Variants in REDIC1 observed in about 807,000 individuals in gnomAD.
The protein encoded by REDIC1 is regulator of DNA class I crossover intermediates 1.
chr12:39,908,231 A>T, the REDIC1 span: 1 of 152,092 alleles, frequency 6.6e-6, no homozygotes, highest in Non-Finnish European at 1.5e-5. Flanking sequence ...CCTTGAAATG[A>T]GACTATTATC....
chr12:39,812,815 C>T, the REDIC1 span, among the ~76,000 whole-genome samples: 40 of 146,016 alleles, frequency 2.7e-4, no homozygotes, highest in Non-Finnish European at 4.7e-4. Context: ...GGGGGACAAA[C>T]ATTTAGTTTG....
chr12:39,856,238 C>T, the REDIC1 span, among the ~76,000 whole-genome samples: 1 of 151,990 alleles, frequency 6.6e-6, no homozygotes, highest in Non-Finnish European at 1.5e-5. Flanking sequence ...TCTATCCATG[C>T]ATCCATCCAT....
At chr12:39,831,712 A>T in the REDIC1 span, among the ~76,000 whole-genome samples, 1 of 152,020 alleles carries the variant, frequency 6.6e-6, no homozygotes, top group African/African-American at 2.4e-5. Flanking sequence ...TGATGAGTGA[A>T]TTCTCACTCA....
At chr12:39,773,760 A>C in the REDIC1 span, among the ~76,000 whole-genome samples, 2 of 152,184 alleles carry the variant, frequency 1.3e-5, no homozygotes, top group African/African-American at 4.8e-5. Context: ...GTGTATAAAA[A>C]CCAAAACTTC....
the REDIC1 span, among the ~76,000 whole-genome samples, chr12:39,801,936 A>C: frequency 6.6e-6 from 1 of 152,226 alleles, no homozygotes; most frequent in Non-Finnish European, 1.5e-5. Flanking sequence ...GCAGCAGCAA[A>C]CAACACAGCC....
chr12:39,639,194 T>C, the REDIC1 span, among the ~76,000 whole-genome samples: 5 of 151,874 alleles, frequency 3.3e-5, no homozygotes, highest in Non-Finnish European at 5.9e-5. Context: ...TAAAATGAAA[T>C]TTTTTTTCAT....
the REDIC1 span, chr12:39,692,019 G>A: frequency 6.5e-7 from 1 of 1,528,158 alleles, no homozygotes; most frequent in Non-Finnish European, 8.9e-7. Context: ...TGTATACTTA[G>A]GAATTGTTAA....
At chr12:39,863,659 C>T in the REDIC1 span, among the ~76,000 whole-genome samples, 1 of 152,004 alleles carries the variant, frequency 6.6e-6, no homozygotes, top group African/African-American at 2.4e-5. Flanking sequence ...ATGAAGACAC[C>T]CTTAAGTCTT....
chr12:39,858,329 A>T, the REDIC1 span, among the ~76,000 whole-genome samples: 2 of 152,232 alleles, frequency 1.3e-5, no homozygotes, highest in Non-Finnish European at 2.9e-5. Context: ...TGTAGATATT[A>T]GTAACACATA....
At chr12:39,729,290 G>T in the REDIC1 span, among the ~76,000 whole-genome samples, 80 of 152,070 alleles carry the variant, frequency 5.3e-4, no homozygotes, top group Admixed American at 1.8e-3. Flanking sequence ...TCTCCTGTGG[G>T]CATTTAGTAC....
chr12:39,787,177 T>C, the REDIC1 span, among the ~76,000 whole-genome samples: 2 of 152,182 alleles, frequency 1.3e-5, no homozygotes, highest in Non-Finnish European at 2.9e-5. Flanking sequence ...ACACAAGCCT[T>C]GCAGTGTAAC....
the REDIC1 span, chr12:39,684,947 T>G: frequency 2.5e-6 from 4 of 1,578,012 alleles, no homozygotes; most frequent in Admixed American, 6.9e-5. Context: ...AGTCTCACAT[T>G]ATCTTCTCAA....
chr12:39,844,322 T>C, the REDIC1 span, among the ~76,000 whole-genome samples: 54 of 152,194 alleles, frequency 3.5e-4, no homozygotes, highest in Admixed American at 1.0e-3. Context: ...TAGTAACAGC[T>C]ATGGAGTCAA....
chr12:39,755,869 T>G, the REDIC1 span: 5 of 152,048 alleles, frequency 3.3e-5, no homozygotes, highest in Non-Finnish European at 7.4e-5. Flanking sequence ...AATACTTTCA[T>G]GAACTTCTGA....
chr12:39,697,647 C>A, the REDIC1 span, among the ~76,000 whole-genome samples: 1 of 152,060 alleles, frequency 6.6e-6, no homozygotes, highest in Non-Finnish European at 1.5e-5. Context: ...TATTAGTTTT[C>A]TTTGCTCATT....
At chr12:39,765,005 A>T in the REDIC1 span, 1 of 892,370 alleles carries the variant, frequency 1.1e-6, no homozygotes, top group East Asian at 2.7e-5. Flanking sequence ...CTAAATATAC[A>T]GTATTAGATA....
chr12:39,820,785 A>G, the REDIC1 span, among the ~76,000 whole-genome samples: 1 of 146,690 alleles, frequency 6.8e-6, no homozygotes, highest in African/African-American at 2.5e-5. Flanking sequence ...ATAAAGCAAC[A>G]TGTAAAAATG....
At chr12:39,810,144 G>A in the REDIC1 span, among the ~76,000 whole-genome samples, 14 of 152,148 alleles carry the variant, frequency 9.2e-5, no homozygotes, top group African/African-American at 2.2e-4. Flanking sequence ...GTGAAGAACC[G>A]ACATCTTAAC....
the REDIC1 span, among the ~76,000 whole-genome samples, chr12:39,851,683 G>C: frequency 1.4e-4 from 22 of 152,284 alleles, no homozygotes; most frequent in African/African-American, 3.1e-4. Context: ...GATACATCAA[G>C]AGAAAAGCAG....
Sources: gnomAD v4.1 joint callset for allele counts (sites outside exome capture counted in the v4.1 genomes callset) on GRCh38, gnomAD v4.1.1 for gene constraint, MANE v1.5 for transcripts, NCBI Gene and HGNC (gene_info 2026-07-23, HGNC 2026-07-21) for gene names.